The following AFF1 variants were observed in gnomAD, a reference collection of about 807,000 sequenced individuals.
AFF1 encodes AF4/FMR2 family member 1.
AFF1 carries 48 observed loss-of-function variants against 121.7 expected under a neutral mutation model. That is an observed-to-expected ratio of 0.39 (90% CI 0.31 to 0.50). The LOEUF is 0.50. AFF1 is among the 20% of genes least tolerant of loss of function. AFF1 has a pLI of 0.76. For missense variants in AFF1, 1,523 were observed against 1,511.7 expected (o/e 1.01, Z -0.12); for synonymous variants, 613 against 563.0 (o/e 1.09, Z -1.26).
rs773813732 is a variant in AFF1 at position 87,125,096 on chromosome 4, A to G, written c.2526A>G (p.Ser842=). 7.5e-6 allele frequency: 12 copies of G among 1,610,598 alleles called. No homozygotes were observed. Among genetic ancestry groups the G allele is most frequent in the Non-Finnish European group, 1.0e-5 (12 of 1,178,196 alleles). Residue 842 remains serine, a synonymous_variant, in exon 13 of 21, where the codon TCA becomes TCG. Transcript: ENST00000395146. ...TCAGACTGGAGAAGGAAATCAAATCACAGTCATCTTCATCTTCATCCTCCC... is the reference window on the plus strand; with the variant it reads ...TCAGACTGGAGAAGGAAATCAAATCGCAGTCATCTTCATCTTCATCCTCCC... ...KKIRLEKEIK[S]QSSSSSSSHK...
chr4:87,135,180 C>G (rs1729193835), intron 20 of AFF1, among the ~76,000 whole-genome samples: 1 of 152,174 alleles, frequency 6.6e-6, no homozygotes. Flanking sequence ...GAAGAAGACC[C>G]TTGGAGAAAT....
At position 87,105,829 on chromosome 4, in the gene AFF1, T is replaced by A. The variant is rs141434206; in HGVS notation, c.1360T>A (p.Ser454Thr). Reference sequence around the variant, plus strand: ...CTAGACCCCAGAGAAGCCTCCCTCCTCATCTGCACCTCCAAGGTACCGTGT... The same window carrying A: ...CTAGACCCCAGAGAAGCCTCCCTCCACATCTGCACCTCCAAGGTACCGTGT... The part of the protein sequence containing the change: ...SEQTPEKPPS[S>T]SAPPSAPQSL... Residue 454 changes from serine (S) to threonine (T), a missense_variant, in exon 10 of 21, where the codon TCA becomes ACA. Coordinates refer to ENST00000395146, the MANE Select transcript of AFF1 (RefSeq NM_001166693.3). 121 of 1,614,024 alleles carry A rather than the reference T, an allele frequency of 7.5e-5. No individual in the cohort carries two copies. The highest frequency in any genetic ancestry group is 9.6e-5 in the Non-Finnish European group (113 of 1,180,014).
chr4:86,993,007 G>A (rs1396813155), intron 2 of AFF1, among the ~76,000 whole-genome samples: 7 of 152,148 alleles, frequency 4.6e-5, no homozygotes, highest in South Asian at 4.1e-4. Context: ...AGCTTTAGAC[G>A]TAATAAATGC....
In AFF1 at chr4:87,046,291, T is replaced by A; in HGVS notation, c.159+5T>A. ...CTTTTTGGAGAGCCCTACAAGGTAT[T>A]TACTGAACACTAGACATTGAAGTCC... is the stretch of plus-strand genomic sequence containing the variant. On this transcript the variant is annotated splice_donor_5th_base_variant and intron_variant, in intron 3 of 20. Transcript: ENST00000395146. 1 of 1,610,238 alleles carries A rather than the reference T, an allele frequency of 6.2e-7. No homozygotes were observed. Among genetic ancestry groups the A allele is most frequent in the Non-Finnish European group, 8.5e-7 (1 of 1,179,038 alleles).
chr4:87,138,153 C>T lies in AFF1; in HGVS notation c.*2452C>T, dbSNP rs1729447550. On this transcript the variant is annotated 3_prime_UTR_variant, in exon 21 of 21. Coordinates refer to ENST00000395146, the MANE Select transcript of AFF1 (RefSeq NM_001166693.3). ...TATTTCTGATCCTTATTGCATTGTACCTAAAGGAGAGTAACTAATGGTAAC... is the reference window on the plus strand; with the variant it reads ...TATTTCTGATCCTTATTGCATTGTATCTAAAGGAGAGTAACTAATGGTAAC... 1 of 231,204 alleles carries T rather than the reference C, an allele frequency of 4.3e-6. No individual in the cohort carries two copies. The highest frequency in any genetic ancestry group is 8.5e-6 in the Non-Finnish European group (1 of 117,164). 14.3% of individuals were successfully genotyped at this position (231,204 alleles called of 1,614,324 possible). A position where few individuals can be genotyped will look rare whatever the true frequency, so the allele number is the denominator to read the frequency against.
chr4:87,123,055 GACTAA>G (rs1727873512), intron 12 of AFF1, among the ~76,000 whole-genome samples: 1 of 151,854 alleles, frequency 6.6e-6, no homozygotes, highest in South Asian at 2.1e-4. Flanking sequence ...CACCACACTC[GACTAA>G]TTTTTATGTT....
At chr4:86,953,568 C>T (rs1034610209) in intron 2 of AFF1, among the ~76,000 whole-genome samples, 9 of 152,246 alleles carry the variant, frequency 5.9e-5, no homozygotes, top group Middle Eastern at 3.4e-3. Flanking sequence ...CCAGATTTAT[C>T]GGCACTTGAC....
chr4:87,012,459 C>A (rs1415830212), intron 2 of AFF1, among the ~76,000 whole-genome samples: 1 of 152,086 alleles, frequency 6.6e-6, no homozygotes, highest in Non-Finnish European at 1.5e-5. Flanking sequence ...TAAGTATAAT[C>A]TCTTTGTTGT....
intron 2 of AFF1, among the ~76,000 whole-genome samples, chr4:87,027,644 C>T (rs944831791): frequency 2.6e-5 from 4 of 152,104 alleles, no homozygotes; most frequent in African/African-American, 7.2e-5. Flanking sequence ...ACATTATGAA[C>T]ATTTTCAAAC....
At chr4:87,101,176 G>A (rs1414962163) in intron 8 of AFF1, among the ~76,000 whole-genome samples, 2 of 151,982 alleles carry the variant, frequency 1.3e-5, no homozygotes, top group African/African-American at 2.4e-5. Flanking sequence ...TCTCTTCTTC[G>A]TTTAGCCTGC....
intron 2 of AFF1, among the ~76,000 whole-genome samples, chr4:87,043,087 A>T (rs1730317203): frequency 6.6e-6 from 1 of 152,186 alleles, no homozygotes; most frequent in African/African-American, 2.4e-5. Context: ...CTGGACTGAG[A>T]ATTGCCATTT....
intron 5 of AFF1, among the ~76,000 whole-genome samples, chr4:87,084,604 A>T (rs372758835): frequency 8.2e-6 from 1 of 121,780 alleles, no homozygotes; most frequent in Admixed American, 7.8e-5. Flanking sequence ...AAATAAATAA[A>T]AAATAAAGAA....
chr4:87,135,825 A>AGGACATTT lies in AFF1; in HGVS notation c.*126_*133dup. Reference sequence around the variant, plus strand: ...AAAAAAGAAGCACCACGAGATGGCCAGGACATTTGTCCACTTAAACTCTCA... The same window carrying AGGACATTT: ...AAAAAAGAAGCACCACGAGATGGCCAGGACATTTGGACATTTGTCCACTTAAACTCTCA... On this transcript the variant is annotated 3_prime_UTR_variant, in exon 21 of 21. Coordinates refer to ENST00000395146, the MANE Select transcript of AFF1 (RefSeq NM_001166693.3). 7.4e-7 allele frequency: 1 copy of AGGACATTT among 1,353,240 alleles called. No individual in the cohort carries two copies. Among genetic ancestry groups the AGGACATTT allele is most frequent in the Non-Finnish European group, 9.8e-7 (1 of 1,025,554 alleles). 83.8% of individuals were successfully genotyped at this position (1,353,240 alleles called of 1,614,324 possible).
intron 6 of AFF1, among the ~76,000 whole-genome samples, chr4:87,091,021 C>CAA (rs72486264): frequency 3.1e-3 from 203 of 64,650 alleles, no homozygotes; most frequent in African/African-American, 8.9e-3. Context: ...TCTCTACCAC[C>CAA]AAAAAAAAAA....
chr4:87,131,855 C>A lies in AFF1; in HGVS notation c.3164C>A (p.Ala1055Asp), dbSNP rs765787783. The A allele has an allele frequency of 6.3e-6, 10 of 1,588,378 alleles. No individual in the cohort carries two copies. The highest frequency in any genetic ancestry group is 8.5e-6 in the Non-Finnish European group (10 of 1,172,526). Residue 1055 changes from alanine to aspartate, a missense_variant, in exon 18 of 21, where the codon GCT becomes GAT. Around this residue, in one of 5 missense-constraint regions of AFF1, gnomAD observed 241 missense variants for 265.2 expected, o/e 0.91. Coordinates refer to ENST00000395146, the MANE Select transcript of AFF1 (RefSeq NM_001166693.3). ...ATAPTQEKIF[A>D]VLCMRCQSIL... The stretch of plus-strand genomic sequence containing the variant: ...GCGCCAACACAAGAGAAAATATTTG[C>A]TGTTTTATGGTGCGTATTTTCCTTT...
chr4:87,071,381 C>T (rs1039467155), intron 4 of AFF1, among the ~76,000 whole-genome samples: 38 of 152,228 alleles, frequency 2.5e-4, no homozygotes, highest in African/African-American at 6.3e-4. Context: ...TTTTCAGGCT[C>T]GTTTACTGTG....
intron 2 of AFF1, among the ~76,000 whole-genome samples, chr4:87,024,794 A>G (rs1226929213): frequency 1.3e-5 from 2 of 152,062 alleles, no homozygotes; most frequent in Non-Finnish European, 2.9e-5. Flanking sequence ...GAGTTTCACC[A>G]TGTTGGCCAG....
chr4:86,967,875 G>A (rs890630814), intron 2 of AFF1, among the ~76,000 whole-genome samples: 2 of 152,170 alleles, frequency 1.3e-5, no homozygotes, highest in Non-Finnish European at 2.9e-5. Context: ...GAGTTCATTG[G>A]GGAAGGTCTG....
In AFF1 at chr4:87,052,260, G is replaced by A. The variant is rs1578150312; in HGVS notation, c.1059+4666G>A. Among the ~76,000 whole-genome samples the A allele has an allele frequency of 2.6e-5, 4 of 152,150 alleles. No homozygotes were observed. In the South Asian group the frequency reaches 6.2e-4, roughly 24 times the overall value. On this transcript the variant is annotated intron_variant, in intron 4 of 20. Transcript: ENST00000395146. ...AGATGTTTTATCAAAAAATTAAAAA[G>A]TTTTCCCAGCTATTGGGAAAAAATT...
Sources: allele counts gnomAD v4.1 joint callset (sites outside exome capture counted in the v4.1 genomes callset), GRCh38; gene constraint gnomAD v4.1.1; regional missense constraint gnomAD v4.1.1; transcripts MANE v1.5; gene names NCBI Gene and HGNC (gene_info 2026-07-23, HGNC 2026-07-21).